LRRK1: variants seen among roughly 807,000 people sequenced by gnomAD.
LRRK1 encodes the protein leucine-rich repeat serine/threonine-protein kinase 1.
Under a neutral mutation model 209.1 loss-of-function variants are expected in LRRK1, and 113 were observed. The ratio of observed to expected loss-of-function variants is 0.54; its 90% confidence interval spans 0.46 to 0.63. The LOEUF (loss-of-function observed/expected upper bound fraction) is 0.63. Ranked by LOEUF, LRRK1 falls within the 30% of genes least tolerant of loss-of-function variation. LRRK1 has a pLI of 0.00. For missense variants in LRRK1, 2,284 were observed against 2,632.2 expected (o/e 0.87, Z 2.89); for synonymous variants, 1,144 against 1,099.7 (o/e 1.04, Z -0.80).
intron 11 of LRRK1, among the ~76,000 whole-genome samples, 154 bp downstream of exon 11, chr15:101,014,582 G>A (rs1596275462): frequency 6.6e-6 from 1 of 152,216 alleles, no homozygotes; most frequent in Non-Finnish European, 1.5e-5. Context: ...CAGCCCTGGG[G>A]GCTGAAGTCC....
intron 29 of LRRK1, among the ~76,000 whole-genome samples, chr15:101,060,530 G>T (rs150847510): frequency 1.3e-5 from 2 of 152,230 alleles, no homozygotes; most frequent in Non-Finnish European, 2.9e-5. Flanking sequence ...TTTATATTGA[G>T]AACTGCTATC....
At chr15:100,972,338 G>T (rs1396647970) in intron 2 of LRRK1, among the ~76,000 whole-genome samples, 165 of 94,768 alleles carry the variant, frequency 1.7e-3, no homozygotes, top group African/African-American at 4.0e-3. Context: ...ATATATATGA[G>T]AGAGAGAGAG....
chr15:101,071,376 G>GTT lies in LRRK1; in HGVS notation c.*2535_*2536dup, dbSNP rs11403379. The stretch of plus-strand genomic sequence containing the variant: ...CGGAGACACAGTCAAGAATCTCTGT[G>GTT]TTTTTTTTGTTTTGTTTTGTTTTTG... On this transcript the variant is annotated 3_prime_UTR_variant, in exon 34 of 34. Transcript: ENST00000388948. 910 of 151,922 alleles carry GTT rather than the reference G, an allele frequency of 6.0e-3. 10 individuals carry two copies. Among genetic ancestry groups the GTT allele is most frequent in the African/African-American group, 0.02 (830 of 41,324 alleles). The allele number at this position is 151,922 out of a possible 1,614,324, so 9.4% of individuals were successfully genotyped here. A position where few individuals can be genotyped will look rare whatever the true frequency, so the allele number is the denominator to read the frequency against.
Position 101,010,497 on chromosome 15 carries a change from C to A in LRRK1, c.1037C>A (p.Pro346His). 1 of 1,612,442 alleles carries A rather than the reference C, an allele frequency of 6.2e-7. No individual in the cohort carries two copies. Among genetic ancestry groups the A allele is most frequent in the South Asian group, 1.1e-5 (1 of 90,014 alleles). Residue 346 changes from proline to histidine, a missense_variant, in exon 8 of 34, where the codon CCT becomes CAT. By Grantham distance (77) the Pro-to-His change is moderately conservative. Around this residue, in one of 6 missense-constraint regions of LRRK1, gnomAD observed 494 missense variants for 522.1 expected, o/e 0.95. Coordinates refer to ENST00000388948, the MANE Select transcript of LRRK1 (RefSeq NM_024652.6). ...AGCAACAAGTTGTCCCACCTCCCTC[C>A]TGGATTCTTGCACCTCTCAAAACTT... ...ISSNKLSHLPPGFLHLSKLQK... is the reference protein window; with the variant it reads ...ISSNKLSHLPHGFLHLSKLQK...
At chr15:101,053,472 C>T in intron 26 of LRRK1, 52 bp downstream of exon 26, 8 of 1,471,766 alleles carry the variant, frequency 5.4e-6, no homozygotes, top group Non-Finnish European at 6.4e-6. Context: ...GAGCCCCGGG[C>T]GCCTCCTGCC....
rs2036251893 is a variant in LRRK1 at position 101,062,628 on chromosome 15, C to A, written c.4852C>A (p.Gln1618Lys). Residue 1618 changes from glutamine (Q) to lysine (K), a missense_variant, in exon 31 of 34, where the codon CAA becomes AAA. Gln to Lys is a moderately conservative substitution (Grantham distance 53, BLOSUM62 1). This residue lies in a region of LRRK1 where 643 missense variants were observed against 695.9 expected (regional missense o/e 0.92). Transcript: ENST00000388948. ...LKGMCPLNTP[Q>K]QALDTPAVVT... The stretch of plus-strand genomic sequence containing the variant: ...GGGCATGTGCCCCTTAAACACACCC[C>A]AACAGGCCTTGGATACTCCAGCTGT... 1 of 1,614,138 alleles carries A rather than the reference C, an allele frequency of 6.2e-7. No homozygotes were observed. Among genetic ancestry groups the A allele is most frequent in the Non-Finnish European group, 8.5e-7 (1 of 1,180,042 alleles).
rs869130536 is a variant in LRRK1 at position 100,943,699 on chromosome 15, C to CTT, written c.97+18983_97+18984dup. Among the ~76,000 whole-genome samples, 102 of 134,886 alleles carry CTT rather than the reference C, an allele frequency of 7.6e-4. 1 individual carries two copies. The highest frequency in any genetic ancestry group is 2.4e-3 in the African/African-American group (90 of 36,932). The allele number at this position is 134,886 out of a possible 152,430, so 88.5% of individuals were successfully genotyped here. ...ATCATTTGTTTGCAAGTGATCGTAT[C>CTT]TTTTTTTTTTTTTTGTCACTCAGGC... On this transcript the variant is annotated intron_variant, in intron 2 of 33. Coordinates refer to ENST00000388948, the MANE Select transcript of LRRK1 (RefSeq NM_024652.6).
chr15:100,929,923 G>C (rs1237911074), intron 2 of LRRK1, among the ~76,000 whole-genome samples: 1 of 152,254 alleles, frequency 6.6e-6, no homozygotes, highest in Non-Finnish European at 1.5e-5. Flanking sequence ...CATCCATGCA[G>C]GTGGCAGTTA....
At chr15:100,954,366 TA>T (rs2042713248) in intron 2 of LRRK1, among the ~76,000 whole-genome samples, 1 of 152,148 alleles carries the variant, frequency 6.6e-6, no homozygotes, top group African/African-American at 2.4e-5. Context: ...TTTTTGCTAT[TA>T]AATCATATGG....
At chr15:100,974,311 A>T (rs1298463589) in intron 3 of LRRK1, among the ~76,000 whole-genome samples, 7 of 152,218 alleles carry the variant, frequency 4.6e-5, no homozygotes, top group Admixed American at 4.6e-4. Flanking sequence ...GGAAAAATAA[A>T]ATTTAGAAAA....
At chr15:100,986,430 A>T (rs1363620264) in intron 4 of LRRK1, among the ~76,000 whole-genome samples, 1 of 152,226 alleles carries the variant, frequency 6.6e-6, no homozygotes, top group Non-Finnish European at 1.5e-5. Context: ...TTGATTTTAG[A>T]CAAAGCAAGG....
chr15:100,971,296 T>C (rs1048735269), intron 2 of LRRK1, among the ~76,000 whole-genome samples: 8 of 144,478 alleles, frequency 5.5e-5, no homozygotes, highest in South Asian at 2.1e-4. Flanking sequence ...ATCGCGCCAC[T>C]GCACACCAGC....
intron 12 of LRRK1, among the ~76,000 whole-genome samples, chr15:101,020,110 C>T (rs2033709638): frequency 6.6e-6 from 1 of 152,124 alleles, no homozygotes; most frequent in Non-Finnish European, 1.5e-5. Flanking sequence ...TATTTTAAAA[C>T]ACCGTTTTTG....
Position 101,056,919 on chromosome 15 carries a change from G to A in LRRK1, c.4396G>A (p.Gly1466Ser). ...ELLSGQRPAL[G>S]HHQLQIAKKL... ...GCTGTCAGGACAGCGCCCTGCACTGGGCCACCACCAGCTCCAGATTGCCAA... is the reference window on the plus strand; with the variant it reads ...GCTGTCAGGACAGCGCCCTGCACTGAGCCACCACCAGCTCCAGATTGCCAA... The change falls in exon 28 of 34, where the codon GGC becomes AGC. Residue 1466 changes from glycine to serine, a missense_variant. Physicochemically the swap from Gly to Ser is moderately conservative, Grantham distance 56. Transcript: ENST00000388948. The A allele has an allele frequency of 6.2e-7, 1 of 1,614,126 alleles. No homozygotes were observed. The highest frequency in any genetic ancestry group is 8.5e-7 in the Non-Finnish European group (1 of 1,180,022).
intron 12 of LRRK1, among the ~76,000 whole-genome samples, chr15:101,016,621 TG>T (rs1266840468): frequency 6.6e-6 from 1 of 152,106 alleles, no homozygotes; most frequent in Non-Finnish European, 1.5e-5. Flanking sequence ...ATGAATTTGG[TG>T]GGGGGCGGGG....
chr15:101,018,622 A>G lies in LRRK1; in HGVS notation c.1610-2431A>G, dbSNP rs115593665. 4.2e-3 allele frequency among the ~76,000 whole-genome samples: 645 copies of G among 152,330 alleles called. 3 individuals carry two copies. Among genetic ancestry groups the G allele is most frequent in the African/African-American group, 0.015 (617 of 41,576 alleles). The stretch of plus-strand genomic sequence containing the variant: ...CCAGTGGGGAAAATCACAGGCATGC[A>G]TGGAAAAGCACCATAGGACTACGCG... On this transcript the variant is annotated intron_variant, in intron 12 of 33. Coordinates refer to ENST00000388948, the MANE Select transcript of LRRK1 (RefSeq NM_024652.6).
At position 101,027,742 on chromosome 15, in the gene LRRK1, G is replaced by A. The variant is rs2141103304; in HGVS notation, c.2631G>A (p.Gln877=). The change falls in exon 19 of 34, where the codon CAG becomes CAA. Residue 877 remains glutamine, a synonymous_variant. Coordinates refer to ENST00000388948, the MANE Select transcript of LRRK1 (RefSeq NM_024652.6). This position sits in a 1 kb window ranked among gnomAD's most constrained non-coding sequence, Gnocchi z 5.1. ...VQYLTDRQLE[Q]LVEQTPDNDI... ...ACCTGACGGACAGGCAGCTGGAGCA[G>A]CTGGTGGAGCAGACGCCCGACAACG... is the stretch of plus-strand genomic sequence containing the variant. 1 of 1,608,194 alleles carries A rather than the reference G, an allele frequency of 6.2e-7. No homozygotes were observed. Among genetic ancestry groups the A allele is most frequent in the East Asian group, 2.2e-5 (1 of 44,678 alleles).
chr15:100,955,251 T>G (rs1033513804), intron 2 of LRRK1, among the ~76,000 whole-genome samples: 1 of 152,236 alleles, frequency 6.6e-6, no homozygotes, highest in East Asian at 1.9e-4. Flanking sequence ...CTAAGTATTT[T>G]CTGTAGCTAT....
At chr15:100,964,353 C>T (rs927791891) in intron 2 of LRRK1, among the ~76,000 whole-genome samples, 4 of 152,152 alleles carry the variant, frequency 2.6e-5, no homozygotes, top group Admixed American at 6.5e-5. Flanking sequence ...GATGCTGAAA[C>T]GCTAGAGTGA....
Sources: allele counts gnomAD v4.1 joint callset (sites outside exome capture counted in the v4.1 genomes callset), GRCh38; gene constraint gnomAD v4.1.1; regional missense constraint gnomAD v4.1.1; non-coding constraint Gnocchi (gnomAD v3.1); transcripts MANE v1.5; gene names NCBI Gene and HGNC (gene_info 2026-07-23, HGNC 2026-07-21).